Variants in FBN1 observed in about 807,000 individuals in gnomAD.
FBN1 encodes fibrillin-1.
A neutral mutation model predicts 365.1 loss-of-function variants in FBN1; 29 were observed. That is an observed-to-expected ratio of 0.08 (90% confidence interval 0.06 to 0.11). The LOEUF (loss-of-function observed/expected upper bound fraction) is 0.11. Among genes scored for constraint, FBN1 ranks in the 10% least tolerant of loss-of-function variants. FBN1 has a pLI of 1.00. For missense variants in FBN1, 2,476 were observed against 3,703.2 expected, an observed-to-expected ratio of 0.67 and a Z score of 8.60; for synonymous variants, 1,210 against 1,270.5, an observed-to-expected ratio of 0.95 and a Z score of 1.01.
intron 58 of FBN1, among the ~76,000 whole-genome samples, chr15:48,426,068 T>A (rs554053834): frequency 6.6e-6 from 1 of 152,192 alleles, no homozygotes. Flanking sequence ...TAGACTACAA[T>A]TGATAAAATA....
rs878853682 is a variant in FBN1 at position 48,600,147 on chromosome 15, C to T, written c.434G>A (p.Cys145Tyr). Residue 145 changes from cysteine (C) to tyrosine (Y), a missense_variant, in exon 5 of 66, where the codon TGT becomes TAT. Cys to Tyr is a radical substitution (Grantham distance 194). Around this residue, in one of 5 missense-constraint regions of FBN1, gnomAD observed 421 missense variants for 520.1 expected, o/e 0.81. Transcript: ENST00000316623. ...AACTACAGTGTACTTACGTTGTCCA[C>T]AGTGAGTCCCTATGTATCCTTTCTG... ...LCQKGYIGTH[C>Y]GQPVCESGCL... 6.2e-7 allele frequency: 1 copy of T among 1,610,854 alleles called. No individual in the cohort carries two copies. Among genetic ancestry groups the T allele is most frequent in the Non-Finnish European group, 8.5e-7 (1 of 1,177,024 alleles).
At chr15:48,532,917 T>C (rs1373339562) in intron 8 of FBN1, among the ~76,000 whole-genome samples, 1 of 152,228 alleles carries the variant, frequency 6.6e-6, no homozygotes, top group African/African-American at 2.4e-5. Context: ...AAGAATGCAG[T>C]ATCAATTATA....
In FBN1 at chr15:48,490,092, T is replaced by A. The variant is rs763229792; in HGVS notation, c.2855-14A>T. The A allele has an allele frequency of 6.2e-7, 1 of 1,612,928 alleles. No homozygotes were observed. The highest frequency in any genetic ancestry group is 8.5e-7 in the Non-Finnish European group (1 of 1,179,058). On this transcript the variant is annotated splice_polypyrimidine_tract_variant and intron_variant, in intron 24 of 65. Coordinates refer to ENST00000316623, the MANE Select transcript of FBN1 (RefSeq NM_000138.5). ...CCAGGCGGATATCTGTCAGAGGGAA[T>A]CAAGGGAGGTTAAATAGAGCCACAC... is the stretch of plus-strand genomic sequence containing the variant.
intron 2 of FBN1, among the ~76,000 whole-genome samples, chr15:48,616,676 T>C (rs939022403): frequency 2.6e-5 from 4 of 152,294 alleles, no homozygotes; most frequent in African/African-American, 7.2e-5. Flanking sequence ...ATAGCATCCA[T>C]ACCTCTTTCT....
intron 6 of FBN1, among the ~76,000 whole-genome samples, chr15:48,590,471 T>A (rs1227135310): frequency 6.6e-6 from 1 of 152,184 alleles, no homozygotes; most frequent in Non-Finnish European, 1.5e-5. Flanking sequence ...AATGTAGTAT[T>A]TTTGAAAGTC....
At chr15:48,432,049 C>T (rs1341433751) in intron 55 of FBN1, among the ~76,000 whole-genome samples, 1 of 152,132 alleles carries the variant, frequency 6.6e-6, no homozygotes, top group Non-Finnish European at 1.5e-5. Context: ...TTATTCTCTA[C>T]TGGTTCTTCC....
intron 45 of FBN1, among the ~76,000 whole-genome samples, chr15:48,450,250 G>A (rs2043190641): frequency 6.6e-6 from 1 of 152,188 alleles, no homozygotes; most frequent in Non-Finnish European, 1.5e-5. Flanking sequence ...ACTGGACCTG[G>A]AGGTATGCAG....
chr15:48,505,848 A>G (rs1423391362), intron 15 of FBN1, among the ~76,000 whole-genome samples: 1 of 152,224 alleles, frequency 6.6e-6, no homozygotes, highest in African/African-American at 2.4e-5. Context: ...TAATAATAGC[A>G]GAGGGTTTTT....
chr15:48,512,163 G>T (rs893930980), intron 13 of FBN1, among the ~76,000 whole-genome samples: 7 of 152,126 alleles, frequency 4.6e-5, no homozygotes, highest in Admixed American at 1.3e-4. Context: ...CTCTACGTGA[G>T]AACAAAATTC....
chr15:48,627,872 C>G (rs1889913949), intron 2 of FBN1, among the ~76,000 whole-genome samples: 1 of 152,178 alleles, frequency 6.6e-6, no homozygotes, highest in Admixed American at 6.5e-5. Context: ...TATAATTAAG[C>G]AGAGCAGGTG....
In FBN1 at chr15:48,485,374, C is replaced by T. The variant is rs794728208; in HGVS notation, c.3712G>A (p.Asp1238Asn). The stretch of plus-strand genomic sequence containing the variant: ...CAACATGAGGCTAGAACCTACTCAC[C>T]GGTGCATGATCTCTGGTCAGGCATT... ...ALMPDQRSCT[D>N]IDECEDNPNI... The change falls in exon 30 of 66, where the codon GAC (aspartate) becomes AAC (asparagine). Residue 1238 changes from aspartate to asparagine, a missense_variant and splice_region_variant. Physicochemically the swap from Asp to Asn is conservative, Grantham distance 23. Around this residue, in one of 5 missense-constraint regions of FBN1, gnomAD observed 1,780 missense variants for 2,840.8 expected, o/e 0.63. Transcript: ENST00000316623. The T allele has an allele frequency of 1.2e-6, 2 of 1,614,128 alleles. No individual in the cohort carries two copies. Among genetic ancestry groups the T allele is most frequent in the Non-Finnish European group, 1.7e-6 (2 of 1,180,006 alleles).
At chr15:48,542,550 T>C (rs605372) in intron 6 of FBN1, among the ~76,000 whole-genome samples, 3,731 of 152,272 alleles carry the variant, frequency 0.025, 61 homozygotes, top group Middle Eastern at 0.075. Context: ...AGTTCCATTA[T>C]CATAATCAGC....
intron 29 of FBN1, 49 bp from the exon 30 acceptor site, chr15:48,485,545 GT>G: frequency 1.2e-6 from 2 of 1,603,308 alleles, no homozygotes; most frequent in Non-Finnish European, 1.7e-6. Flanking sequence ...TTGGATGTCT[GT>G]CCCCTCCAAT....
chr15:48,575,510 T>G (rs2044339444), intron 6 of FBN1, among the ~76,000 whole-genome samples: 1 of 152,174 alleles, frequency 6.6e-6, no homozygotes. Context: ...CCTTCTCACC[T>G]TTGGTAGTCT....
intron 63 of FBN1, among the ~76,000 whole-genome samples, chr15:48,417,072 C>T (rs2042907840): frequency 6.6e-6 from 1 of 152,222 alleles, no homozygotes; most frequent in Non-Finnish European, 1.5e-5. Flanking sequence ...AAATTCACAG[C>T]CAGGTCTGTT....
intron 49 of FBN1, among the ~76,000 whole-genome samples, chr15:48,442,204 T>C (rs1400314898): frequency 6.6e-6 from 1 of 152,164 alleles, no homozygotes; most frequent in East Asian, 1.9e-4. Flanking sequence ...TGCACCATTG[T>C]TCAGGAAGCA....
intron 6 of FBN1, among the ~76,000 whole-genome samples, chr15:48,588,061 TG>T (rs901152927): frequency 2.6e-5 from 4 of 152,276 alleles, no homozygotes; most frequent in African/African-American, 9.6e-5. Flanking sequence ...GTAGATACTT[TG>T]GGTAAAGTTT....
intron 43 of FBN1, among the ~76,000 whole-genome samples, chr15:48,458,310 T>C (rs1398225655): frequency 6.6e-6 from 1 of 152,112 alleles, no homozygotes; most frequent in African/African-American, 2.4e-5. Flanking sequence ...ATGTCATAGA[T>C]TTATTTTAGA....
chr15:48,633,710 A>T (rs1890035830), intron 2 of FBN1, among the ~76,000 whole-genome samples: 2 of 152,208 alleles, frequency 1.3e-5, no homozygotes, highest in Non-Finnish European at 2.9e-5. Flanking sequence ...CAAATAAATG[A>T]GAGAAAGAAA....
Sources: gnomAD v4.1 joint callset for allele counts (sites outside exome capture counted in the v4.1 genomes callset) on GRCh38, gnomAD v4.1.1 for gene constraint, gnomAD v4.1.1 regional missense constraint, MANE v1.5 for transcripts, NCBI Gene and HGNC (gene_info 2026-07-23, HGNC 2026-07-21) for gene names.